The following RIMBP2 variants were observed in gnomAD, a reference collection of about 807,000 sequenced individuals.
RIMBP2 encodes the protein RIMS binding protein 2, also known as RIMS-binding protein 2.
In RIMBP2, 48 loss-of-function variants were observed where a neutral mutation model predicts 118.6. That is an observed-to-expected ratio of 0.40 (90% CI 0.32 to 0.51). The LOEUF is 0.51. Among genes scored for constraint, RIMBP2 ranks in the 20% least tolerant of loss-of-function variants. The pLI, the probability that RIMBP2 is intolerant of heterozygous loss-of-function variation, is 0.41. For missense variants in RIMBP2, 1,551 were observed against 1,768.3 expected (o/e 0.88, Z 2.20); for synonymous variants, 762 against 742.9 (o/e 1.03, Z -0.42).
At chr12:130,629,867 T>TACCAAGGGGTACA (rs2061876432) in intron 1 of RIMBP2, among the ~76,000 whole-genome samples, 1 of 150,926 alleles carries the variant, frequency 6.6e-6, no homozygotes, top group African/African-American at 2.4e-5. Context: ...AGTCTTGGAG[T>TACCAAGGGGTACA]ACCAAGGAGT....
chr12:130,447,957 T>A lies in RIMBP2; in HGVS notation c.581+2243A>T, dbSNP rs1233610969. Among the ~76,000 whole-genome samples the A allele has an allele frequency of 6.6e-6, 1 of 151,972 alleles. No individual in the cohort carries two copies. The highest frequency in any genetic ancestry group is 1.5e-5 in the Non-Finnish European group (1 of 67,990). On this transcript the variant is annotated intron_variant, in intron 9 of 22. Transcript: ENST00000690449. This position sits in a 1 kb window ranked among gnomAD's most constrained non-coding sequence, Gnocchi z 4.4. ...GAATAATGACAGCAAGAGGAGACAC[T>A]GATTAGACCCGGGGCAGAAAACATA...
At chr12:130,646,221 C>G (rs1338313292) in intron 1 of RIMBP2, among the ~76,000 whole-genome samples, 8 of 69,984 alleles carry the variant, frequency 1.1e-4, no homozygotes, top group African/African-American at 1.8e-4. Context: ...CTCTCCACCT[C>G]CCTCACCACC....
chr12:130,585,831 G>A (rs1190383205), intron 2 of RIMBP2, among the ~76,000 whole-genome samples: 6 of 152,092 alleles, frequency 3.9e-5, no homozygotes, highest in East Asian at 1.9e-4. Context: ...GTTCTCTCAC[G>A]TCTTGCCTGA....
chr12:130,679,767 G>A (rs11061082), intron 1 of RIMBP2, among the ~76,000 whole-genome samples: 54,281 of 152,178 alleles, frequency 0.36, 10,071 homozygotes, highest in Middle Eastern at 0.46. Flanking sequence ...AGAAAGACAA[G>A]CCAAACTTCT....
intron 4 of RIMBP2, among the ~76,000 whole-genome samples, chr12:130,481,418 C>T (rs552075362): frequency 3.9e-5 from 6 of 152,260 alleles, no homozygotes; most frequent in Admixed American, 3.3e-4. Context: ...GTCTTCCTCC[C>T]GGCCCGTGTT....
intron 2 of RIMBP2, among the ~76,000 whole-genome samples, chr12:130,543,034 C>G (rs1189109425): frequency 6.6e-6 from 1 of 152,170 alleles, no homozygotes; most frequent in Non-Finnish European, 1.5e-5. Flanking sequence ...CCCTTCCCGT[C>G]TCTCAGGGTT....
chr12:130,540,066 C>T (rs58079105), intron 2 of RIMBP2, among the ~76,000 whole-genome samples: 1 of 60,438 alleles, frequency 1.7e-5, no homozygotes, highest in East Asian at 6.1e-4. Context: ...CAAATGCAGT[C>T]GATGAGGTGG....
rs551226890 is a variant in RIMBP2, at chr12:130,423,784, T to C, written c.3129+358A>G. On this transcript the variant is annotated intron_variant, in intron 16 of 22. Transcript: ENST00000690449. ...AAACCCTCGACAATACTAGTAGTCA[T>C]AAATAAATCCCTAAGGATCCCTGTG... 1.4e-4 allele frequency among the ~76,000 whole-genome samples: 20 copies of C among 142,794 alleles called. 1 individual carries two copies. In the South Asian group the frequency reaches 4.0e-3, roughly 28 times the overall value. 93.7% of individuals were successfully genotyped at this position (142,794 alleles called of 152,430 possible). A position where few individuals can be genotyped will look rare whatever the true frequency, so the allele number is the denominator to read the frequency against.
intron 4 of RIMBP2, among the ~76,000 whole-genome samples, chr12:130,485,988 G>C (rs1255655254): frequency 1.3e-5 from 2 of 152,184 alleles, no homozygotes; most frequent in East Asian, 3.9e-4. Flanking sequence ...TGCCATGGCT[G>C]GGAGGACAAG....
At chr12:130,542,883 T>G (rs2054739393) in intron 2 of RIMBP2, among the ~76,000 whole-genome samples, 1 of 152,262 alleles carries the variant, frequency 6.6e-6, no homozygotes, top group African/African-American at 2.4e-5. Context: ...AGTCATGGTC[T>G]ACATTTCCAT....
chr12:130,483,693 G>A (rs1160467223), intron 4 of RIMBP2, among the ~76,000 whole-genome samples: 2 of 140,300 alleles, frequency 1.4e-5, no homozygotes, highest in African/African-American at 3.0e-5. Context: ...ACAGTGCCCG[G>A]AGCCCCCATC....
chr12:130,592,483 G>T (rs7133989), intron 2 of RIMBP2, among the ~76,000 whole-genome samples: 4,598 of 152,168 alleles, frequency 0.03, 234 homozygotes, highest in African/African-American at 0.1. Context: ...GAGGTCAGGA[G>T]TTCAAGACCA....
At chr12:130,405,688 G>A (rs896277672) in intron 21 of RIMBP2, among the ~76,000 whole-genome samples, 18 of 152,080 alleles carry the variant, frequency 1.2e-4, no homozygotes, top group African/African-American at 4.3e-4. Flanking sequence ...GGGGCGGGGT[G>A]GGGGGTTCCA....
intron 1 of RIMBP2, among the ~76,000 whole-genome samples, chr12:130,677,748 G>C (rs971000943): frequency 6.6e-6 from 1 of 152,140 alleles, no homozygotes; most frequent in Non-Finnish European, 1.5e-5. Context: ...CACTAGGCCT[G>C]TGTGTTTCCC....
intron 2 of RIMBP2, among the ~76,000 whole-genome samples, chr12:130,627,623 C>G (rs1445901434): frequency 1.3e-5 from 2 of 152,178 alleles, no homozygotes; most frequent in Non-Finnish European, 2.9e-5. Flanking sequence ...TTCTACTGCT[C>G]TCTCAGTCTT....
At chr12:130,693,430 CA>C (rs2136680630) in intron 1 of RIMBP2, among the ~76,000 whole-genome samples, 1 of 152,274 alleles carries the variant, frequency 6.6e-6, no homozygotes, top group African/African-American at 2.4e-5. Flanking sequence ...AGGGCAAGCA[CA>C]AAAGGGATGG....
Position 130,623,382 on chromosome 12 carries a change from G to A in RIMBP2, c.-217+4940C>T, listed in dbSNP as rs1234581728. On this transcript the variant is annotated intron_variant, in intron 2 of 22. Coordinates refer to ENST00000690449, the MANE Select transcript of RIMBP2 (RefSeq NM_001393629.1). This position sits in a 1 kb window ranked among gnomAD's most constrained non-coding sequence, Gnocchi z 4.1. ...AGGTTTTAAGCCCCACAAGTATTAG[G>A]TATTTGCCCTAATGCTCCCCCTCCC... 2.0e-5 allele frequency among the ~76,000 whole-genome samples: 3 copies of A among 152,144 alleles called. No homozygotes were observed. Among genetic ancestry groups the A allele is most frequent in the Admixed American group, 6.5e-5 (1 of 15,270 alleles).
intron 4 of RIMBP2, among the ~76,000 whole-genome samples, chr12:130,494,714 T>C (rs1182539062): frequency 2.0e-5 from 3 of 151,784 alleles, no homozygotes; most frequent in Non-Finnish European, 1.5e-5. Flanking sequence ...TCCAGGACCC[T>C]GCACTCCAGC....
At chr12:130,650,695 A>G (rs2063192298) in intron 1 of RIMBP2, among the ~76,000 whole-genome samples, 1 of 151,958 alleles carries the variant, frequency 6.6e-6, no homozygotes, top group Non-Finnish European at 1.5e-5. Flanking sequence ...TTGTCTGAAG[A>G]CCCCTTTCCA....
Sources: allele counts gnomAD v4.1 joint callset (sites outside exome capture counted in the v4.1 genomes callset), GRCh38; gene constraint gnomAD v4.1.1; non-coding constraint Gnocchi (gnomAD v3.1); transcripts MANE v1.5; gene names NCBI Gene and HGNC (gene_info 2026-07-23, HGNC 2026-07-21).